The following ANKS1B variants were observed in gnomAD, a reference collection of about 807,000 sequenced individuals.
The protein encoded by ANKS1B is ankyrin repeat and sterile alpha motif domain-containing protein 1B.
A neutral mutation model predicts 148.3 loss-of-function variants in ANKS1B; 36 were observed. The ratio of observed to expected loss-of-function variants is 0.24; its 90% confidence interval spans 0.19 to 0.32. The LOEUF (loss-of-function observed/expected upper bound fraction) is 0.32, where lower values mean the gene tolerates loss of function less well. Ranked by LOEUF, ANKS1B falls within the 10% of genes least tolerant of loss-of-function variation. ANKS1B has a pLI of 1.00. For missense variants in ANKS1B, 1,157 were observed against 1,542.6 expected (o/e 0.75, Z 4.19); for synonymous variants, 542 against 560.8 (o/e 0.97, Z 0.47).
intron 8 of ANKS1B, among the ~76,000 whole-genome samples, chr12:99,682,863 G>A (rs903899820): frequency 2.6e-5 from 4 of 152,088 alleles, no homozygotes; most frequent in Non-Finnish European, 5.9e-5. Flanking sequence ...GATCATTAGT[G>A]AGTGTATTAG....
intron 15 of ANKS1B, among the ~76,000 whole-genome samples, chr12:99,132,586 T>C (rs2066475051): frequency 6.6e-6 from 1 of 151,966 alleles, no homozygotes; most frequent in South Asian, 2.1e-4. Flanking sequence ...AGGTGAGTAG[T>C]GAAAGTCAAC....
At chr12:99,403,851 C>T (rs996215045) in intron 11 of ANKS1B, among the ~76,000 whole-genome samples, 1 of 146,126 alleles carries the variant, frequency 6.8e-6, no homozygotes. Context: ...ATAAATCATT[C>T]TGTCATAAAG....
intron 10 of ANKS1B, among the ~76,000 whole-genome samples, chr12:99,468,554 A>G (rs1476714794): frequency 6.6e-6 from 1 of 152,218 alleles, no homozygotes; most frequent in Admixed American, 6.5e-5. Context: ...ACAAAGGGCT[A>G]ATATCCAGAA....
chr12:98,940,049 A>G (rs902170434), intron 17 of ANKS1B, among the ~76,000 whole-genome samples: 18 of 152,202 alleles, frequency 1.2e-4, no homozygotes, highest in Non-Finnish European at 2.2e-4. Flanking sequence ...TGTGGTGGCC[A>G]CAGCCAGTGA....
intron 15 of ANKS1B, among the ~76,000 whole-genome samples, chr12:99,123,292 T>C (rs1352356627): frequency 1.3e-5 from 2 of 151,996 alleles, no homozygotes; most frequent in Non-Finnish European, 2.9e-5. Flanking sequence ...GAGATTTCGA[T>C]GAATTGAATA....
intron 17 of ANKS1B, among the ~76,000 whole-genome samples, chr12:98,917,244 G>T (rs569827170): frequency 2.6e-5 from 4 of 152,280 alleles, no homozygotes; most frequent in Middle Eastern, 3.4e-3. Flanking sequence ...TATAGAGAGC[G>T]GTTAAGCAAC....
At chr12:99,152,334 G>A (rs1407248633) in intron 15 of ANKS1B, among the ~76,000 whole-genome samples, 4 of 151,984 alleles carry the variant, frequency 2.6e-5, no homozygotes, top group South Asian at 2.1e-4. Flanking sequence ...CATGAAGAAA[G>A]TATTTGATTG....
intron 1 of ANKS1B, among the ~76,000 whole-genome samples, chr12:99,959,121 C>T (rs1022910344): frequency 3.4e-5 from 5 of 147,004 alleles, no homozygotes; most frequent in African/African-American, 1.0e-4. Context: ...AGTGGCATGG[C>T]GCGATCTTGG....
At chr12:99,025,636 C>T (rs564218597) in intron 17 of ANKS1B, among the ~76,000 whole-genome samples, 1 of 152,284 alleles carries the variant, frequency 6.6e-6, no homozygotes, top group Non-Finnish European at 1.5e-5. Flanking sequence ...CTGGAACCCA[C>T]AAGGTCAGAC....
chr12:99,204,728 G>A (rs2082442637), intron 14 of ANKS1B, among the ~76,000 whole-genome samples: 2 of 152,286 alleles, frequency 1.3e-5, no homozygotes, highest in Non-Finnish European at 2.9e-5. Context: ...TGCATTACCA[G>A]GTGACACAGT....
intron 9 of ANKS1B, among the ~76,000 whole-genome samples, chr12:99,637,184 T>A (rs564115806): frequency 6.6e-6 from 1 of 152,286 alleles, no homozygotes; most frequent in South Asian, 2.1e-4. Context: ...TGTTGGCACA[T>A]GCCTGTAGTC....
intron 24 of ANKS1B, among the ~76,000 whole-genome samples, chr12:98,779,043 G>A (rs1023324244): frequency 1.3e-5 from 2 of 152,160 alleles, no homozygotes; most frequent in Non-Finnish European, 1.5e-5. Context: ...CACCAACATA[G>A]GCACTTTGCC....
intron 9 of ANKS1B, among the ~76,000 whole-genome samples, chr12:99,562,225 T>C (rs879512076): frequency 1.3e-5 from 2 of 152,204 alleles, no homozygotes; most frequent in Non-Finnish European, 2.9e-5. Flanking sequence ...CCAGGCTTGA[T>C]TGTTCCATTT....
Position 99,707,460 on chromosome 12 carries a change from C to T in ANKS1B, c.1129-52250G>A, listed in dbSNP as rs1340098159. 2.0e-5 allele frequency among the ~76,000 whole-genome samples: 3 copies of T among 152,154 alleles called. No homozygotes were observed. In the East Asian group the frequency reaches 5.8e-4, roughly 29 times the overall value. ...GAGGGAAAAGTCATAAGAGGTAACACATAATAGAAATCTTCTATTTAATAA... is the reference window on the plus strand; with the variant it reads ...GAGGGAAAAGTCATAAGAGGTAACATATAATAGAAATCTTCTATTTAATAA... On this transcript the variant is annotated intron_variant, in intron 8 of 26. Transcript: ENST00000683438.
rs554254897 is a variant in ANKS1B, at chr12:99,765,660, A to G, written c.1128+7262T>C. 5.1e-4 allele frequency among the ~76,000 whole-genome samples: 77 copies of G among 152,330 alleles called. 1 individual carries two copies. The South Asian group carries it at 0.014, about 27-fold the overall frequency. The stretch of plus-strand genomic sequence containing the variant: ...AGAATACATATGGCTTTTTCCAAGT[A>G]AAATATTGACTCAGACCAATCCAAG... On this transcript the variant is annotated intron_variant, in intron 8 of 26. Coordinates refer to ENST00000683438, the MANE Select transcript of ANKS1B (RefSeq NM_001352186.2).
At chr12:99,459,038 C>A (rs1308492784) in intron 10 of ANKS1B, among the ~76,000 whole-genome samples, 6 of 152,068 alleles carry the variant, frequency 3.9e-5, no homozygotes, top group Non-Finnish European at 8.8e-5. Context: ...CTGAATCCTA[C>A]AGCATATCAA....
At chr12:98,783,554 G>A (rs1350453577) in intron 22 of ANKS1B, among the ~76,000 whole-genome samples, 1 of 152,190 alleles carries the variant, frequency 6.6e-6, no homozygotes, top group Non-Finnish European at 1.5e-5. Flanking sequence ...AGTGGGGCCA[G>A]TCTTCATTCA....
intron 1 of ANKS1B, among the ~76,000 whole-genome samples, chr12:99,834,300 T>G (rs935596773): frequency 6.6e-6 from 1 of 152,170 alleles, no homozygotes; most frequent in African/African-American, 2.4e-5. Context: ...ATTACATATT[T>G]ATTCCAAAAA....
intron 17 of ANKS1B, among the ~76,000 whole-genome samples, chr12:98,896,847 A>G (rs909668563): frequency 1.3e-5 from 2 of 152,192 alleles, no homozygotes; most frequent in South Asian, 4.1e-4. Context: ...GAGGTAAAGT[A>G]AGTGTTTTCT....
Sources: gnomAD v4.1 joint callset for allele counts (sites outside exome capture counted in the v4.1 genomes callset) on GRCh38, gnomAD v4.1.1 for gene constraint, MANE v1.5 for transcripts, NCBI Gene and HGNC (gene_info 2026-07-23, HGNC 2026-07-21) for gene names.